Variants in PKM observed in about 807,000 individuals in gnomAD.
PKM encodes pyruvate kinase PKM.
A neutral mutation model predicts 49.8 loss-of-function variants in PKM; 18 were observed. That is an observed-to-expected ratio of 0.36 (90% CI 0.25 to 0.54). The LOEUF (loss-of-function observed/expected upper bound fraction) is 0.54. PKM is among the 20% of genes least tolerant of loss of function. PKM has a pLI of 0.89. For synonymous variants in PKM, 239 were observed against 261.8 expected (o/e 0.91, Z 0.84); for missense variants, 508 against 713.8 (o/e 0.71, Z 3.28).
At chr15:72,227,128 G>T (rs762248952) in intron 1 of PKM, among the ~76,000 whole-genome samples, 1 of 152,226 alleles carries the variant, frequency 6.6e-6, no homozygotes, top group Non-Finnish European at 1.5e-5. Context: ...CTCCCCGCAA[G>T]TATGGTGGTA....
In PKM at chr15:72,206,782, A is replaced by G. The variant is rs11558367; in HGVS notation, c.1086T>C (p.Ser362=). The G allele has an allele frequency of 6.2e-7, 1 of 1,614,120 alleles. No individual in the cohort carries two copies. The highest frequency in any genetic ancestry group is 8.5e-7 in the Non-Finnish European group (1 of 1,180,006). The change falls in exon 8 of 11, where the codon TCT becomes TCC. Residue 362 remains serine, a synonymous_variant. Transcript: ENST00000335181. The part of the protein sequence containing the change: ...VLDGADCIML[S]GETAKGDYPL... The stretch of plus-strand genomic sequence containing the variant: ...GATAGTCCCCTTTGGCTGTTTCTCC[A>G]GACAGCATGATGCAGTCGGCTCCAT...
chr15:72,229,988 G>A lies in PKM; in HGVS notation c.-14+1128C>T, dbSNP rs944331880. ...AGAGGCGCGGAACGGGCGAGGGCCAGGAGGCCCCAGCAAAGCCTGCAGAGG... is the reference window on the plus strand; with the variant it reads ...AGAGGCGCGGAACGGGCGAGGGCCAAGAGGCCCCAGCAAAGCCTGCAGAGG... On this transcript the variant is annotated intron_variant, in intron 1 of 10. Transcript: ENST00000335181. Among the ~76,000 whole-genome samples the A allele has an allele frequency of 5.3e-5, 8 of 152,112 alleles. No homozygotes were observed. In the East Asian group the frequency reaches 5.8e-4, roughly 11 times the overall value.
intron 1 of PKM, among the ~76,000 whole-genome samples, chr15:72,227,607 G>A (rs1398762599): frequency 6.6e-6 from 1 of 151,830 alleles, no homozygotes; most frequent in South Asian, 2.1e-4. Flanking sequence ...TTAGCTGGGC[G>A]TGGTGCAAGT....
chr15:72,229,651 C>A, intron 1 of PKM: 1 of 1,252,050 alleles, frequency 8.0e-7, no homozygotes, highest in South Asian at 1.3e-5. Flanking sequence ...TCCTGTCCCC[C>A]TCCCTCCCAC....
rs797002845 is a variant in PKM, at chr15:72,221,818, T to TA, written c.-13-2709dup. Among the ~76,000 whole-genome samples, 1,257 of 126,708 alleles carry TA rather than the reference T, an allele frequency of 9.9e-3. 6 individuals are homozygous for TA. Among genetic ancestry groups the TA allele is most frequent in the Middle Eastern group, 0.02 (4 of 198 alleles). 83.1% of individuals were successfully genotyped at this position (126,708 alleles called of 152,430 possible). A position where few individuals can be genotyped will look rare whatever the true frequency, so the allele number is the denominator to read the frequency against. ...CAAGTTCTGTACACTGGGTTGTGATTAAAAAAAAAAAACGATACAAGTCTT... is the reference window on the plus strand; with the variant it reads ...CAAGTTCTGTACACTGGGTTGTGATTAAAAAAAAAAAAACGATACAAGTCTT... On this transcript the variant is annotated intron_variant, in intron 1 of 10. Coordinates refer to ENST00000335181, the MANE Select transcript of PKM (RefSeq NM_002654.6).
intron 3 of PKM, among the ~76,000 whole-genome samples, chr15:72,210,752 C>A (rs2082231188): frequency 6.6e-6 from 1 of 152,146 alleles, no homozygotes. Context: ...CCACCAAAAC[C>A]CATTAAGGTA....
chr15:72,230,768 G>A (rs1480842946), intron 1 of PKM: 4 of 387,818 alleles, frequency 1.0e-5, no homozygotes, highest in Middle Eastern at 7.8e-4. Context: ...GGAAGCAAGG[G>A]TGGAATCAAT....
chr15:72,214,375 C>T (rs2082327003), intron 3 of PKM, among the ~76,000 whole-genome samples: 1 of 152,158 alleles, frequency 6.6e-6, no homozygotes, highest in Non-Finnish European at 1.5e-5. Flanking sequence ...ATATCATAAT[C>T]TCTTAGAGCA....
intron 8 of PKM, among the ~76,000 whole-genome samples, chr15:72,205,066 T>C (rs1189761457): frequency 6.6e-6 from 1 of 151,970 alleles, no homozygotes; most frequent in Non-Finnish European, 1.5e-5. Context: ...CAGTCTACAT[T>C]AAGTGGGCCT....
chr15:72,208,003 T>G (rs1366395923), intron 6 of PKM, among the ~76,000 whole-genome samples: 1 of 152,234 alleles, frequency 6.6e-6, no homozygotes, highest in African/African-American at 2.4e-5. Flanking sequence ...CCATGCCCAC[T>G]GGGCTCTACT....
At chr15:72,218,423 G>T (rs760439055) in intron 2 of PKM, among the ~76,000 whole-genome samples, 8 of 151,814 alleles carry the variant, frequency 5.3e-5, no homozygotes, top group Non-Finnish European at 1.2e-4. Context: ...ACTGCGCCCG[G>T]ACAATTTTTT....
chr15:72,208,526 T>A (rs2082143708), intron 6 of PKM, 95 bp downstream of exon 6: 8 of 1,356,770 alleles, frequency 5.9e-6, no homozygotes, highest in Admixed American at 3.4e-5. Context: ...GTCTACATTC[T>A]GATGGGCTAG....
upstream of PKM, chr15:72,231,226 T>TGCGGGCCGCCGCAATCCCTCC: frequency 6.0e-6 from 1 of 166,304 alleles, no homozygotes; most frequent in African/African-American, 2.4e-5. Context: ...GTTATCCCGC[T>TGCGGGCCGCCGCAATCCCTCC]GCGGGCCGCC....
intron 1 of PKM, chr15:72,230,914 A>G: frequency 7.8e-7 from 1 of 1,286,516 alleles, no homozygotes; most frequent in Non-Finnish European, 1.0e-6. Flanking sequence ...TCTGGAAGGA[A>G]CGGCGCTGGG....
At chr15:72,208,928 G>A (rs749333045) in intron 5 of PKM, 37 bp from the exon 6 acceptor site, 17 of 1,599,124 alleles carry the variant, frequency 1.1e-5, no homozygotes, top group South Asian at 2.2e-5. Context: ...GGCAGAGCAC[G>A]AGGGCACAGG....
At position 72,207,219 on chromosome 15, in the gene PKM, T is replaced by C; in HGVS notation, c.895A>G (p.Ile299Val). The C allele has an allele frequency of 6.2e-7, 1 of 1,614,064 alleles. No homozygotes were observed. Among genetic ancestry groups the C allele is most frequent in the Non-Finnish European group, 8.5e-7 (1 of 1,179,948 alleles). Residue 299 changes from isoleucine (I) to valine (V), a missense_variant, in exon 7 of 11, where the codon ATT (isoleucine) becomes GTT (valine). By Grantham distance (29) the Ile-to-Val change is conservative (BLOSUM62 3). Coordinates refer to ENST00000335181, the MANE Select transcript of PKM (RefSeq NM_002654.6). ...GIMVARGDLG[I>V]EIPAEKVFLA... ...AAGACCTTCTCTGCAGGAATCTCAA[T>C]GCCTAGATCACCACGAGCCACCATG...
chr15:72,231,117 T>G lies in PKM; in HGVS notation c.-15A>C. ...GGCGTAGCCTCCTGCACCGCTCACC[T>G]CCGGCGCTGACCGACTCGGGCTACG... On this transcript the variant is annotated splice_region_variant and 5_prime_UTR_variant, in exon 1 of 11. Coordinates refer to ENST00000335181, the MANE Select transcript of PKM (RefSeq NM_002654.6). 2.8e-6 allele frequency: 1 copy of G among 361,496 alleles called. No homozygotes were observed. The highest frequency in any genetic ancestry group is 2.1e-5 in the South Asian group (1 of 47,248). 22.4% of individuals were successfully genotyped at this position (361,496 alleles called of 1,614,324 possible).
At chr15:72,205,273 TCAC>T (rs1232188727) in intron 8 of PKM, among the ~76,000 whole-genome samples, 5 of 152,088 alleles carry the variant, frequency 3.3e-5, no homozygotes, top group Admixed American at 2.0e-4. Flanking sequence ...CAGAAGTGCA[TCAC>T]CATGCCCAGC....
chr15:72,223,270 A>G (rs908750915), intron 1 of PKM, among the ~76,000 whole-genome samples: 1 of 152,064 alleles, frequency 6.6e-6, no homozygotes, highest in East Asian at 1.9e-4. Context: ...AAAGGACCAA[A>G]TCATTCTGCC....
Sources: gnomAD v4.1 joint callset for allele counts (sites outside exome capture counted in the v4.1 genomes callset) on GRCh38, gnomAD v4.1.1 for gene constraint, MANE v1.5 for transcripts, NCBI Gene and HGNC (gene_info 2026-07-23, HGNC 2026-07-21) for gene names.